Variants in ABCA4 observed in about 807,000 individuals in gnomAD.
The protein encoded by ABCA4 is ATP binding cassette subfamily A member 4.
In ABCA4, 196 loss-of-function variants were observed where a neutral mutation model predicts 263.7. That is an observed-to-expected ratio of 0.74 (90% CI 0.66 to 0.84). ABCA4 has a LOEUF of 0.84. Among genes scored for constraint, ABCA4 ranks in the 40% least tolerant of loss-of-function variants. ABCA4 has a pLI of 0.00. For missense variants in ABCA4, 2,792 were observed against 2,855.1 expected (o/e 0.98, Z 0.50); for synonymous variants, 1,133 against 1,094.2 (o/e 1.04, Z -0.70).
intron 36 of ABCA4, among the ~76,000 whole-genome samples, chr1:94,016,066 C>T (rs563773025): frequency 5.3e-5 from 8 of 152,300 alleles, no homozygotes; most frequent in Non-Finnish European, 1.0e-4. Context: ...CCAAGGGAAC[C>T]TTTAGTTTGT....
chr1:94,080,179 C>A (rs529508672), intron 8 of ABCA4, among the ~76,000 whole-genome samples: 1 of 152,164 alleles, frequency 6.6e-6, no homozygotes, highest in African/African-American at 2.4e-5. Flanking sequence ...TGCTTCCTTG[C>A]GGATCATTCT....
intron 19 of ABCA4, among the ~76,000 whole-genome samples, chr1:94,045,232 T>C (rs1288596440): frequency 1.3e-5 from 2 of 152,036 alleles, no homozygotes; most frequent in Non-Finnish European, 2.9e-5. Flanking sequence ...ATTTGCTGAT[T>C]AATTGATCGA....
rs1237125868 is a variant in ABCA4 at position 94,042,810 on chromosome 1, G to A, written c.3279C>T (p.Asp1093=). 6.2e-7 allele frequency: 1 copy of A among 1,614,208 alleles called. No homozygotes were observed. The highest frequency in any genetic ancestry group is 8.5e-7 in the Non-Finnish European group (1 of 1,180,042). ...VILDEPTSGV[D]PYSRRSIWDL... The stretch of plus-strand genomic sequence containing the variant: ...CCCAGATTGAGCGTCTCGAGTAAGG[G>A]TCCACCCCAGAGGTGGGTTCGTCCA... The change falls in exon 22 of 50, where the codon GAC becomes GAT. Residue 1093 remains aspartate (D), a synonymous_variant. Transcript: ENST00000370225.
intron 1 of ABCA4, among the ~76,000 whole-genome samples, chr1:94,120,026 C>T (rs538538203): frequency 2.0e-5 from 3 of 152,232 alleles, no homozygotes; most frequent in East Asian, 3.9e-4. Context: ...CTTTAGTCAT[C>T]GGCATTTGCA....
chr1:94,052,620 T>A (rs1457029215), intron 16 of ABCA4, among the ~76,000 whole-genome samples: 2 of 152,236 alleles, frequency 1.3e-5, no homozygotes, highest in Non-Finnish European at 2.9e-5. Context: ...CAACTAATTT[T>A]CATCTATTAT....
At chr1:94,085,657 T>C (rs953051080) in intron 6 of ABCA4, among the ~76,000 whole-genome samples, 4 of 152,226 alleles carry the variant, frequency 2.6e-5, no homozygotes, top group Admixed American at 6.5e-5. Flanking sequence ...CTCCCTACTG[T>C]CTCCAGAAGA....
intron 36 of ABCA4, among the ~76,000 whole-genome samples, chr1:94,017,137 A>G (rs974858712): frequency 3.3e-5 from 5 of 152,234 alleles, no homozygotes; most frequent in Admixed American, 2.0e-4. Context: ...TAAATGGAAA[A>G]TTGTATAATG....
rs370013900 is a variant in ABCA4, at chr1:94,021,891, A to G, written c.4728T>C (p.Leu1576=). The change falls in exon 33 of 50, where the codon CTT becomes CTC. Residue 1576 remains leucine, a synonymous_variant. Coordinates refer to ENST00000370225, the MANE Select transcript of ABCA4 (RefSeq NM_000350.3). ...GGCCAAGGTCGCTTAAAAACCCAACAAGTGCTTCCCCCGTGATGGGGACGA... is the reference window on the plus strand; with the variant it reads ...GGCCAAGGTCGCTTAAAAACCCAACGAGTGCTTCCCCCGTGATGGGGACGA... ...LPVVPITGEA[L]VGFLSDLGRI... The G allele has an allele frequency of 6.2e-7, 1 of 1,614,136 alleles. No homozygotes were observed. Among genetic ancestry groups the G allele is most frequent in the Non-Finnish European group, 8.5e-7 (1 of 1,180,016 alleles).
chr1:94,040,083 T>C lies in ABCA4; in HGVS notation c.3567A>G (p.Pro1189=). Residue 1189 remains proline, a synonymous_variant, in exon 24 of 50, where the codon CCA becomes CCG. Transcript: ENST00000370225. ...CSSKGFSTTC[P]AHVDDLTPEQ... ...CTGGAGTTAGGTCATCGACGTGGGC[T>C]GGACACGTGGTGGAGAAACCCTTAG... The C allele has an allele frequency of 6.2e-7, 1 of 1,610,212 alleles. No individual in the cohort carries two copies. Among genetic ancestry groups the C allele is most frequent in the Non-Finnish European group, 8.5e-7 (1 of 1,178,130 alleles).
intron 15 of ABCA4, 49 bp downstream of exon 15, chr1:94,056,552 C>T (rs767933372): frequency 6.3e-7 from 1 of 1,583,104 alleles, no homozygotes; most frequent in Non-Finnish European, 8.6e-7. Context: ...TGCTACGGAC[C>T]CTTCCAAGGA....
chr1:94,084,068 G>A (rs1385324286), intron 6 of ABCA4, among the ~76,000 whole-genome samples: 2 of 152,208 alleles, frequency 1.3e-5, no homozygotes, highest in Non-Finnish European at 2.9e-5. Flanking sequence ...CACTGCTCCT[G>A]CTTTTGCCAC....
chr1:94,118,071 C>T (rs779872230), intron 1 of ABCA4, among the ~76,000 whole-genome samples: 1 of 152,172 alleles, frequency 6.6e-6, no homozygotes, highest in Non-Finnish European at 1.5e-5. Flanking sequence ...GCCATGCCTG[C>T]CTGTCCTGGG....
At chr1:94,075,723 C>T (rs547099682) in intron 11 of ABCA4, among the ~76,000 whole-genome samples, 2 of 152,256 alleles carry the variant, frequency 1.3e-5, no homozygotes, top group Non-Finnish European at 2.9e-5. Flanking sequence ...TCCAACAGTT[C>T]TAGATGACAC....
At position 94,080,712 on chromosome 1, in the gene ABCA4, G is replaced by A. The variant is rs745437293; in HGVS notation, c.865C>T (p.His289Tyr). The A allele has an allele frequency of 1.2e-6, 2 of 1,614,144 alleles. No individual in the cohort carries two copies. The highest frequency in any genetic ancestry group is 1.3e-5 in the African/African-American group (1 of 75,026). ...DMSPRIQEFI[H>Y]RPSMQDLLWV... ...AGCAAGTCCTGCATACTCGGCCGAT[G>A]GATAAACTAGGGCAAGGCAAAGTCT... Residue 289 changes from histidine (H) to tyrosine (Y), a missense_variant, in exon 8 of 50, where the codon CAT (histidine) becomes TAT (tyrosine). Transcript: ENST00000370225.
At chr1:94,014,795 G>A (rs1659677366) in intron 37 of ABCA4, 105 bp from the exon 38 acceptor site, 1 of 1,437,116 alleles carries the variant, frequency 7.0e-7, no homozygotes. Context: ...TGATGTGTGT[G>A]AACTGGCCAG....
intron 11 of ABCA4, 134 bp from the exon 12 acceptor site, chr1:94,063,451 T>C: frequency 2.3e-6 from 2 of 884,064 alleles, no homozygotes; most frequent in Non-Finnish European, 3.7e-6. Context: ...ATAAACTTAA[T>C]GTTTGCTTAA....
intron 1 of ABCA4, among the ~76,000 whole-genome samples, chr1:94,120,672 GA>G (rs1364887399): frequency 7.4e-6 from 1 of 134,486 alleles, no homozygotes; most frequent in Non-Finnish European, 1.6e-5. Context: ...CGGTAGACTG[GA>G]CAGGCAGGTG....
At chr1:94,119,167 C>T (rs1662881321) in intron 1 of ABCA4, among the ~76,000 whole-genome samples, 1 of 152,060 alleles carries the variant, frequency 6.6e-6, no homozygotes, top group Admixed American at 6.5e-5. Context: ...AAAATTTAAT[C>T]ATGAGGTTTT....
intron 8 of ABCA4, 108 bp downstream of exon 8, chr1:94,080,370 G>T: frequency 6.7e-7 from 1 of 1,497,042 alleles, no homozygotes; most frequent in Non-Finnish European, 9.3e-7. Flanking sequence ...AGGCCACTCA[G>T]CAAGACAAGA....
Sources: gnomAD v4.1 joint callset for allele counts (sites outside exome capture counted in the v4.1 genomes callset) on GRCh38, gnomAD v4.1.1 for gene constraint, MANE v1.5 for transcripts, NCBI Gene and HGNC (gene_info 2026-07-23, HGNC 2026-07-21) for gene names.